MED8: variants seen among roughly 807,000 people sequenced by gnomAD.
The protein encoded by MED8 is mediator of RNA polymerase II transcription subunit 8.
In MED8, 22 loss-of-function variants were observed where a neutral mutation model predicts 34.8. The ratio of observed to expected loss-of-function variants is 0.63; its 90% CI spans 0.45 to 0.90. The LOEUF is 0.90. Ranked by LOEUF, MED8 falls within the 40% of genes least tolerant of loss-of-function variation. The probability of loss-of-function intolerance (pLI) is 0.00; values close to 1 mark genes in which losing one functional copy is unlikely to be tolerated. For synonymous variants in MED8, 105 were observed against 120.2 expected (o/e 0.87, Z 0.83); for missense variants, 260 against 326.3 (o/e 0.80, Z 1.57).
At chr1:43,389,689 T>A in intron 1 of MED8, 70 bp downstream of exon 1, 1 of 1,591,824 alleles carries the variant, frequency 6.3e-7, no homozygotes. Context: ...TTCATTCTCC[T>A]TAGCCAGCCC....
chr1:43,389,733 G>A (rs1375597778), intron 1 of MED8, 26 bp downstream of exon 1: 2 of 1,603,166 alleles, frequency 1.2e-6, no homozygotes, highest in East Asian at 2.3e-5. Context: ...CTTGCCAGCC[G>A]CTAGTACGCC....
In MED8 at chr1:43,389,371, T is replaced by G. The variant is rs190768771; in HGVS notation, c.6+388A>C. Among the ~76,000 whole-genome samples the G allele has an allele frequency of 3.3e-5, 5 of 152,170 alleles. No homozygotes were observed. In the East Asian group the frequency reaches 9.7e-4, roughly 29 times the overall value. ...CTGCTTGGGCTTCTTTCCAATTAGA[T>G]CCCCTGCTATATCGGCAACCAACAG... On this transcript the variant is annotated intron_variant, in intron 1 of 6. Transcript: ENST00000372457.
rs1647751537 is a variant in MED8 at position 43,386,829 on chromosome 1, G to A, written c.411+29C>T. 3 of 1,613,114 alleles carry A rather than the reference G, an allele frequency of 1.9e-6. No homozygotes were observed. Among genetic ancestry groups the A allele is most frequent in the East Asian group, 4.5e-5 (2 of 44,882 alleles). On this transcript the variant is annotated intron_variant, in intron 4 of 6. Coordinates refer to ENST00000372457, the MANE Select transcript of MED8 (RefSeq NM_201542.5). This position sits in a 1 kb window ranked among gnomAD's most constrained non-coding sequence, Gnocchi z 4.9. ...TAGCTTCTCATGATGGGATGGGGAT[G>A]GGGCAGCAAGGCAGTGACTCAGTCC...
intron 6 of MED8, 107 bp downstream of exon 6, chr1:43,385,871 A>T (rs1206687137): frequency 6.7e-7 from 1 of 1,487,740 alleles, no homozygotes; most frequent in Non-Finnish European, 9.1e-7. Context: ...GAAAAGGAGA[A>T]ATAGAGAAAA....
chr1:43,385,070 G>A lies in MED8; in HGVS notation c.779C>T (p.Ser260Leu), dbSNP rs867013510. 1.9e-6 allele frequency: 3 copies of A among 1,557,332 alleles called. No homozygotes were observed. The highest frequency in any genetic ancestry group is 1.2e-5 in the South Asian group (1 of 84,362). ...CCGCTGGTAGGGATGCATGGAAGCC[G>A]ACTTGATGTTGGTTTTTATTCCACT... ...MPSGIKTNIK[S>L]ASMHPYQR Residue 260 changes from serine to leucine, a missense_variant, in exon 7 of 7, where the codon TCG becomes TTG. Coordinates refer to ENST00000372457, the MANE Select transcript of MED8 (RefSeq NM_201542.5).
chr1:43,384,802 A>C lies in MED8; in HGVS notation c.*240T>G. ...TGCTTTACATTCATTTCCTCATTTT[A>C]ATCCTCACAACAACCCTATGAGGTA... On this transcript the variant is annotated 3_prime_UTR_variant, in exon 7 of 7. Coordinates refer to ENST00000372457, the MANE Select transcript of MED8 (RefSeq NM_201542.5). 7.2e-7 allele frequency: 1 copy of C among 1,395,234 alleles called. No individual in the cohort carries two copies. The highest frequency in any genetic ancestry group is 9.3e-7 in the Non-Finnish European group (1 of 1,069,872). The allele number at this position is 1,395,234 out of a possible 1,614,324, so 86.4% of individuals were successfully genotyped here.
In MED8 at chr1:43,389,783, T is replaced by A; in HGVS notation, c.-19A>T. The stretch of plus-strand genomic sequence containing the variant: ...CCTGCATTGCGGCGGCCGAGGCGGC[T>A]GCCACGATTTCACTTCCGGTTTTCC... On this transcript the variant is annotated 5_prime_UTR_variant, in exon 1 of 7. Transcript: ENST00000372457. The A allele has an allele frequency of 1.2e-6, 2 of 1,609,944 alleles. No individual in the cohort carries two copies. Among genetic ancestry groups the A allele is most frequent in the Non-Finnish European group, 8.5e-7 (1 of 1,178,200 alleles).
chr1:43,389,481 C>G (rs182997966), intron 1 of MED8, among the ~76,000 whole-genome samples: 38 of 152,316 alleles, frequency 2.5e-4, no homozygotes, highest in Admixed American at 1.0e-3. Context: ...TCAGCCTCCC[C>G]GTATTACAAC....
chr1:43,384,976 A>G lies in MED8; in HGVS notation c.*66T>C. 6.5e-7 allele frequency: 1 copy of G among 1,527,554 alleles called. No individual in the cohort carries two copies. Among genetic ancestry groups the G allele is most frequent in the Non-Finnish European group, 8.8e-7 (1 of 1,137,948 alleles). The allele number at this position is 1,527,554 out of a possible 1,614,324, so 94.6% of individuals were successfully genotyped here. The stretch of plus-strand genomic sequence containing the variant: ...ATTGTACCCATCTAGGTGAGCCTTG[A>G]GCAAAAGGTAATTTCACTGCCCAAC... On this transcript the variant is annotated 3_prime_UTR_variant, in exon 7 of 7. Transcript: ENST00000372457.
In MED8 at chr1:43,387,580, G is replaced by A; in HGVS notation, c.193C>T (p.His65Tyr). 6.2e-7 allele frequency: 1 copy of A among 1,613,990 alleles called. No homozygotes were observed. The highest frequency in any genetic ancestry group is 8.5e-7 in the Non-Finnish European group (1 of 1,179,896). ...QLNTLNKVLK[H>Y]EKTPLFRNQV... is the part of the protein sequence containing the mutation. ...TTACGGAACAGCGGTGTTTTTTCATGCTTCAAGACCTTGTTCAGAGTGTTC... is the reference window on the plus strand; with the variant it reads ...TTACGGAACAGCGGTGTTTTTTCATACTTCAAGACCTTGTTCAGAGTGTTC... The change falls in exon 3 of 7, where the codon CAT becomes TAT. Residue 65 changes from histidine to tyrosine, a missense_variant. Coordinates refer to ENST00000372457, the MANE Select transcript of MED8 (RefSeq NM_201542.5).
In MED8 at chr1:43,387,661, C is replaced by T. The variant is rs763389227; in HGVS notation, c.126-14G>A. The T allele has an allele frequency of 5.6e-6, 9 of 1,613,596 alleles. No individual in the cohort carries two copies. The East Asian group carries it at 1.8e-4, about 32-fold the overall frequency. On this transcript the variant is annotated splice_polypyrimidine_tract_variant and intron_variant, in intron 2 of 6. Transcript: ENST00000372457. ...AGGACAGATGGCCTGGTGGTGGTAA[C>T]AAGGTGTAAGAATGTTGTACCCCTT...
In MED8 at chr1:43,384,548, A is replaced by G. The variant is rs1382338008; in HGVS notation, c.*494T>C. 8 of 1,608,268 alleles carry G rather than the reference A, an allele frequency of 5.0e-6. 1 individual carries two copies. Among genetic ancestry groups the G allele is most frequent in the Non-Finnish European group, 6.8e-6 (8 of 1,177,334 alleles). ...ATAGCCAGAATGAAACCCAGGCAGGAGGGCCTGCAAAAACAGTGTGCCTCT... is the reference window on the plus strand; with the variant it reads ...ATAGCCAGAATGAAACCCAGGCAGGGGGGCCTGCAAAAACAGTGTGCCTCT... On this transcript the variant is annotated 3_prime_UTR_variant, in exon 7 of 7. Coordinates refer to ENST00000372457, the MANE Select transcript of MED8 (RefSeq NM_201542.5).
At chr1:43,385,368 TTAA>T in intron 6 of MED8, 1 of 444,050 alleles carries the variant, frequency 2.3e-6, no homozygotes, top group Non-Finnish European at 4.0e-6. Context: ...TGACTCCCAT[TTAA>T]CGTCACAGGT....
At chr1:43,385,311 G>A (rs966357917) in intron 6 of MED8, 1 of 615,746 alleles carries the variant, frequency 1.6e-6, no homozygotes, top group Non-Finnish European at 2.8e-6. Context: ...AGTGACATGG[G>A]AGAATAGTCT....
At position 43,384,978 on chromosome 1, in the gene MED8, C is replaced by T; in HGVS notation, c.*64G>A. On this transcript the variant is annotated 3_prime_UTR_variant, in exon 7 of 7. Transcript: ENST00000372457. ...TGTACCCATCTAGGTGAGCCTTGAG[C>T]AAAAGGTAATTTCACTGCCCAACTC... The T allele has an allele frequency of 1.3e-6, 2 of 1,528,330 alleles. No homozygotes were observed. Among genetic ancestry groups the T allele is most frequent in the South Asian group, 2.5e-5 (2 of 80,366 alleles). 94.7% of individuals were successfully genotyped at this position (1,528,330 alleles called of 1,614,324 possible).
At position 43,385,004 on chromosome 1, in the gene MED8, T is replaced by C. The variant is rs765503867; in HGVS notation, c.*38A>G. 5.8e-6 allele frequency: 9 copies of C among 1,549,554 alleles called. No individual in the cohort carries two copies. The highest frequency in any genetic ancestry group is 4.9e-5 in the East Asian group (2 of 40,958). On this transcript the variant is annotated 3_prime_UTR_variant, in exon 7 of 7. Transcript: ENST00000372457. ...AAAAGGTAATTTCACTGCCCAACTCTGCAAAGAGCACCAGGGAGTCGAGGT... is the reference window on the plus strand; with the variant it reads ...AAAAGGTAATTTCACTGCCCAACTCCGCAAAGAGCACCAGGGAGTCGAGGT...
rs1353464951 is a variant in MED8 at position 43,386,752 on chromosome 1, C to T, written c.412-82G>A. 8.8e-6 allele frequency: 14 copies of T among 1,592,946 alleles called. No homozygotes were observed. Among genetic ancestry groups the T allele is most frequent in the Non-Finnish European group, 1.2e-5 (14 of 1,168,178 alleles). On this transcript the variant is annotated intron_variant, in intron 4 of 6. Transcript: ENST00000372457. The surrounding 1 kb of genome is among the most constrained non-coding windows in gnomAD (Gnocchi z 4.9). ...TTTATTCCTTGGGTTCTGCCAGAAG[C>T]AACTTAGGCGCAACCAACTATGTAT...
rs574249821 is a variant in MED8 at position 43,384,267 on chromosome 1, G to A, written c.*775C>T. The A allele has an allele frequency of 1.9e-5, 12 of 629,654 alleles. No individual in the cohort carries two copies. The highest frequency in any genetic ancestry group is 2.6e-5 in the Non-Finnish European group (10 of 390,996). The allele number at this position is 629,654 out of a possible 1,614,324, so 39.0% of individuals were successfully genotyped here. A position where few individuals can be genotyped will look rare whatever the true frequency, so the allele number is the denominator to read the frequency against. The stretch of plus-strand genomic sequence containing the variant: ...CCAAAATAAGAAACATGAATCCAGG[G>A]GAAGGGGCTTTTTCGTGTGCTAAGG... On this transcript the variant is annotated 3_prime_UTR_variant, in exon 7 of 7. Transcript: ENST00000372457.
Position 43,385,124 on chromosome 1 carries a change from A to G in MED8, c.743-18T>C. 1.3e-6 allele frequency: 2 copies of G among 1,552,218 alleles called. No individual in the cohort carries two copies. The highest frequency in any genetic ancestry group is 1.2e-5 in the South Asian group (1 of 83,940). On this transcript the variant is annotated intron_variant, in intron 6 of 6. Coordinates refer to ENST00000372457, the MANE Select transcript of MED8 (RefSeq NM_201542.5). ...CATTTTCCCTGAAAGGAACATTAAA[A>G]AAGTCATCTTAAGCAAGGTAAGACT... is the stretch of plus-strand genomic sequence containing the variant.
Sources: allele counts gnomAD v4.1 joint callset (sites outside exome capture counted in the v4.1 genomes callset), GRCh38; gene constraint gnomAD v4.1.1; non-coding constraint Gnocchi (gnomAD v3.1); transcripts MANE v1.5; gene names NCBI Gene and HGNC (gene_info 2026-07-23, HGNC 2026-07-21).